ELP4: variants seen among roughly 807,000 people sequenced by gnomAD.
ELP4 encodes the protein elongator complex protein 4.
Under a neutral mutation model 48.9 loss-of-function variants are expected in ELP4, and 51 were observed. The observed-to-expected ratio is 1.04, with a 90% CI of 0.83 to 1.32. The LOEUF (loss-of-function observed/expected upper bound fraction) is 1.32. Among genes scored for constraint, ELP4 ranks in the 40% most tolerant of loss-of-function variants. ELP4 has a pLI of 0.00. For synonymous variants in ELP4, 210 were observed against 189.2 expected (o/e 1.11, Z -0.90); for missense variants, 519 against 514.6 (o/e 1.01, Z -0.08).
In ELP4 at chr11:31,787,452, A is replaced by C. The variant is rs868310966; in HGVS notation, c.*3928A>C. On this transcript the variant is annotated 3_prime_UTR_variant, in exon 10 of 10. Coordinates refer to ENST00000640961, the MANE Select transcript of ELP4 (RefSeq NM_019040.5). Reference sequence around the variant, plus strand: ...GGAACTGGCTGCCTGACCGTGGTGGAAATTACAGCCAGCGAGAAGGAAGAA... The same window carrying C: ...GGAACTGGCTGCCTGACCGTGGTGGCAATTACAGCCAGCGAGAAGGAAGAA... 1 of 233,198 alleles carries C rather than the reference A, an allele frequency of 4.3e-6. No homozygotes were observed. The highest frequency in any genetic ancestry group is 8.5e-6 in the Non-Finnish European group (1 of 118,066). 14.4% of individuals were successfully genotyped at this position (233,198 alleles called of 1,614,324 possible).
chr11:31,543,100 C>T (rs1956619244), intron 3 of ELP4, among the ~76,000 whole-genome samples: 2 of 151,898 alleles, frequency 1.3e-5, no homozygotes, highest in South Asian at 4.1e-4. Context: ...AAGATGAAAC[C>T]TGGAAAATAG....
chr11:31,783,495 G>A lies in ELP4; in HGVS notation c.1246G>A (p.Ala416Thr). The A allele has an allele frequency of 6.2e-7, 1 of 1,614,094 alleles. No individual in the cohort carries two copies. Among genetic ancestry groups the A allele is most frequent in the Non-Finnish European group, 8.5e-7 (1 of 1,179,946 alleles). ...GCTGGGCCCAGGCTGTGGCATGATG[G>A]CCGGAGGCAAGAAGCACCTGGACTT... ...KRLGPGCGMMAGGKKHLDF is the reference protein window; with the variant it reads ...KRLGPGCGMMTGGKKHLDF The change falls in exon 10 of 10, where the codon GCC becomes ACC. Residue 416 changes from alanine (A) to threonine (T), a missense_variant. Physicochemically the swap from Ala to Thr is moderately conservative, Grantham distance 58. Transcript: ENST00000640961.
At chr11:31,733,777 A>G (rs894884500) in intron 9 of ELP4, among the ~76,000 whole-genome samples, 4 of 152,182 alleles carry the variant, frequency 2.6e-5, no homozygotes, top group African/African-American at 9.6e-5. Context: ...GGTGAATTCT[A>G]CCAAACGTTT....
intron 9 of ELP4, 98 bp from the exon 10 acceptor site, chr11:31,783,295 A>G (rs1038900707): frequency 1.9e-6 from 2 of 1,055,762 alleles, no homozygotes; most frequent in Non-Finnish European, 2.8e-6. Context: ...GCTGATCAAC[A>G]GAGCATAATA....
chr11:31,742,982 C>A (rs1469983108), intron 9 of ELP4, among the ~76,000 whole-genome samples: 1 of 152,284 alleles, frequency 6.6e-6, no homozygotes, highest in East Asian at 1.9e-4. Flanking sequence ...CAAGACCCAT[C>A]AGTGTGCCGT....
chr11:31,667,304 T>C (rs1945701020), intron 9 of ELP4, among the ~76,000 whole-genome samples: 1 of 152,170 alleles, frequency 6.6e-6, no homozygotes, highest in Non-Finnish European at 1.5e-5. Context: ...CCTTTTAGTA[T>C]AGGGAGTATT....
At position 31,783,606 on chromosome 11, in the gene ELP4, AACAATTTGAC is replaced by A. The variant is rs1592311648; in HGVS notation, c.*83_*92del. On this transcript the variant is annotated 3_prime_UTR_variant, in exon 10 of 10. Coordinates refer to ENST00000640961, the MANE Select transcript of ELP4 (RefSeq NM_019040.5). Reference sequence around the variant, plus strand: ...AATAGCTTATGTAAATATTTTTCTTAACAATTTGACCCTCCACTCCTTGAAAAACACAGGA... The same window carrying A: ...AATAGCTTATGTAAATATTTTTCTTACCTCCACTCCTTGAAAAACACAGGA... The A allele has an allele frequency of 1.5e-6, 2 of 1,365,560 alleles. No individual in the cohort carries two copies. The highest frequency in any genetic ancestry group is 2.0e-6 in the Non-Finnish European group (2 of 1,008,226). The allele number at this position is 1,365,560 out of a possible 1,614,324, so 84.6% of individuals were successfully genotyped here. A position where few individuals can be genotyped will look rare whatever the true frequency, so the allele number is the denominator to read the frequency against.
At chr11:31,565,746 T>G (rs574307622) in intron 3 of ELP4, among the ~76,000 whole-genome samples, 2 of 152,078 alleles carry the variant, frequency 1.3e-5, no homozygotes, top group South Asian at 4.2e-4. Context: ...TCTGTTTTGG[T>G]ACCAGTACCA....
chr11:31,732,648 C>T (rs1947217712), intron 9 of ELP4, among the ~76,000 whole-genome samples: 1 of 152,122 alleles, frequency 6.6e-6, no homozygotes. Flanking sequence ...TAACATCCAA[C>T]TATATGCTGT....
At chr11:31,513,706 T>A (rs563439410) in intron 1 of ELP4, among the ~76,000 whole-genome samples, 2 of 152,294 alleles carry the variant, frequency 1.3e-5, no homozygotes, top group African/African-American at 4.8e-5. Context: ...AGTATGGGGA[T>A]TGAATGTTGT....
chr11:31,648,603 A>G (rs923749066), intron 8 of ELP4: 3 of 151,552 alleles, frequency 2.0e-5, no homozygotes, highest in Non-Finnish European at 4.4e-5. Flanking sequence ...GTATAAATAA[A>G]TTATTGCTAC....
At chr11:31,748,085 T>G (rs947978368) in intron 9 of ELP4, among the ~76,000 whole-genome samples, 1 of 152,230 alleles carries the variant, frequency 6.6e-6, no homozygotes, top group African/African-American at 2.4e-5. Flanking sequence ...CTTTTAGAGA[T>G]AAGCAGCTGA....
intron 9 of ELP4, among the ~76,000 whole-genome samples, chr11:31,745,729 C>T (rs1428648887): frequency 2.6e-5 from 4 of 152,106 alleles, no homozygotes; most frequent in Non-Finnish European, 2.9e-5. Context: ...ACACCTTATA[C>T]AAAAATTAAT....
At chr11:31,608,208 G>A (rs1038834047) in intron 5 of ELP4, among the ~76,000 whole-genome samples, 24 of 151,994 alleles carry the variant, frequency 1.6e-4, no homozygotes, top group Non-Finnish European at 2.8e-4. Flanking sequence ...CCTTTAGGTC[G>A]ATTACCGTAT....
At chr11:31,739,418 A>G (rs1328669133) in intron 9 of ELP4, among the ~76,000 whole-genome samples, 2 of 152,112 alleles carry the variant, frequency 1.3e-5, no homozygotes, top group East Asian at 1.9e-4. Context: ...TCTTAGGGCT[A>G]TTTCAAGTAT....
chr11:31,616,762 C>A (rs564807033), intron 5 of ELP4, among the ~76,000 whole-genome samples: 8 of 151,994 alleles, frequency 5.3e-5, no homozygotes, highest in Admixed American at 1.3e-4. Context: ...AGGCAAAGGA[C>A]TTGAATAGAC....
At chr11:31,589,564 C>G (rs7125975) in intron 3 of ELP4, among the ~76,000 whole-genome samples, 40,734 of 152,032 alleles carry the variant, frequency 0.27, 5,743 homozygotes, top group African/African-American at 0.34. Flanking sequence ...CTTCACATAC[C>G]TGAATCTCTT....
chr11:31,740,999 G>A (rs546827502), intron 9 of ELP4, among the ~76,000 whole-genome samples: 1 of 152,346 alleles, frequency 6.6e-6, no homozygotes, highest in African/African-American at 2.4e-5. Flanking sequence ...GTCAAAGAAA[G>A]CGGTGACAGA....
intron 9 of ELP4, among the ~76,000 whole-genome samples, chr11:31,711,566 G>A (rs529313757): frequency 1.2e-3 from 186 of 152,006 alleles, no homozygotes; most frequent in African/African-American, 4.4e-3. Context: ...AAATTATTCT[G>A]TTATATTTTT....
Sources: allele counts gnomAD v4.1 joint callset (sites outside exome capture counted in the v4.1 genomes callset), GRCh38; gene constraint gnomAD v4.1.1; transcripts MANE v1.5; gene names NCBI Gene and HGNC (gene_info 2026-07-23, HGNC 2026-07-21).